E2F8: variants seen among roughly 807,000 people sequenced by gnomAD.
E2F8 encodes E2F transcription factor 8.
E2F8 carries 35 observed loss-of-function variants against 80.8 expected under a neutral mutation model. The observed-to-expected ratio is 0.43, with a 90% CI of 0.33 to 0.57. The LOEUF (loss-of-function observed/expected upper bound fraction) is 0.57, where lower values mean the gene tolerates loss of function less well. Ranked by LOEUF, E2F8 falls within the 20% of genes least tolerant of loss-of-function variation. The probability of loss-of-function intolerance (pLI) is 0.04; values close to 1 mark genes in which losing one functional copy is unlikely to be tolerated. For synonymous variants in E2F8, 386 were observed against 395.0 expected (o/e 0.98, Z 0.27); for missense variants, 975 against 1,056.2 (o/e 0.92, Z 1.07).
chr11:19,228,439 A>G (rs1237148349), intron 10 of E2F8, among the ~76,000 whole-genome samples: 1 of 152,266 alleles, frequency 6.6e-6, no homozygotes, highest in African/African-American at 2.4e-5. Context: ...AAAAGGATCA[A>G]ACCCTTTTAT....
At chr11:19,231,708 T>G (rs1197432748) in intron 7 of E2F8, among the ~76,000 whole-genome samples, 1 of 152,194 alleles carries the variant, frequency 6.6e-6, no homozygotes, top group East Asian at 1.9e-4. Context: ...GCAATAGTGT[T>G]TTATGCTTTG....
intron 3 of E2F8, 76 bp from the exon 4 acceptor site, chr11:19,237,546 T>C (rs745827928): frequency 2.0e-6 from 3 of 1,465,330 alleles, no homozygotes. Flanking sequence ...CTGTGCTCGA[T>C]GACTGACACC....
chr11:19,229,870 G>A lies in E2F8; in HGVS notation c.1477C>T (p.Pro493Ser), dbSNP rs1358120931. Residue 493 changes from proline to serine, a missense_variant, in exon 10 of 13, where the codon CCC (proline) becomes TCC (serine). Transcript: ENST00000250024. This position sits in a 1 kb window ranked among gnomAD's most constrained non-coding sequence, Gnocchi z 4.3. Reference sequence around the variant, plus strand: ...GGGATCAGGGGAACCATTCCCAGGGGCTGGATGAGGGACGGTGCTGTCAGC... The same window carrying A: ...GGGATCAGGGGAACCATTCCCAGGGACTGGATGAGGGACGGTGCTGTCAGC... ...MELTAPSLIQ[P>S]LGMVPLIPSP... The A allele has an allele frequency of 6.2e-7, 1 of 1,614,074 alleles. No individual in the cohort carries two copies. Among genetic ancestry groups the A allele is most frequent in the Admixed American group, 1.7e-5 (1 of 60,016 alleles).
Position 19,238,097 on chromosome 11 carries a change from T to C in E2F8, c.51A>G (p.Leu17=). The C allele has an allele frequency of 1.2e-6, 2 of 1,614,066 alleles. No individual in the cohort carries two copies. Among genetic ancestry groups the C allele is most frequent in the Non-Finnish European group, 1.7e-6 (2 of 1,180,022 alleles). The change falls in exon 3 of 13, where the codon CTA becomes CTG. Residue 17 remains leucine (L), a synonymous_variant. Transcript: ENST00000250024. ...NLFCEPHKRG[L]MKTPLKESTT... ...TGGATTCTTTCAGAGGTGTTTTCAT[T>C]AGTCCCCTTTTATGTGGCTCACAAA...
rs1205359550 is a variant in E2F8 at position 19,224,670 on chromosome 11, C to T, written c.2592G>A (p.Glu864=). Residue 864 remains glutamate (E), a synonymous_variant, in exon 13 of 13, where the codon GAG becomes GAA. Coordinates refer to ENST00000250024, the MANE Select transcript of E2F8 (RefSeq NM_024680.4). ...CAACATCTGTTGATTAATGGACATC[C>T]TCTGTTGAGACTTCCAGTTTTCGCT... ...VPQRKLEVST[E]DVH is the part of the protein sequence containing the mutation. 2 of 1,613,922 alleles carry T rather than the reference C, an allele frequency of 1.2e-6. No homozygotes were observed. Among genetic ancestry groups the T allele is most frequent in the African/African-American group, 1.3e-5 (1 of 74,920 alleles).
At chr11:19,228,559 T>A (rs2133558924) in intron 10 of E2F8, among the ~76,000 whole-genome samples, 1 of 152,326 alleles carries the variant, frequency 6.6e-6, no homozygotes, top group African/African-American at 2.4e-5. Context: ...TTAGATTTGA[T>A]CCAGAGCACA....
chr11:19,237,747 C>T (rs1252342017), intron 3 of E2F8, 107 bp downstream of exon 3: 3 of 1,424,668 alleles, frequency 2.1e-6, no homozygotes, highest in Non-Finnish European at 2.9e-6. Flanking sequence ...TTAATAACAG[C>T]CTTCGGGTGG....
At chr11:19,230,143 A>C in intron 9 of E2F8, 98 bp downstream of exon 9, 2 of 1,478,604 alleles carry the variant, frequency 1.4e-6, no homozygotes, top group Non-Finnish European at 1.8e-6. Context: ...TTAGCTCTCC[A>C]GTTCAAGGCT....
chr11:19,225,066 T>C (rs952948824), intron 12 of E2F8, 155 bp downstream of exon 12: 1 of 1,224,796 alleles, frequency 8.2e-7, no homozygotes, highest in Non-Finnish European at 1.1e-6. Context: ...TTGGACACTC[T>C]TCCTGGGTTC....
At position 19,229,712 on chromosome 11, in the gene E2F8, G is replaced by A. The variant is rs1320459301; in HGVS notation, c.1635C>T (p.Cys545=). The A allele has an allele frequency of 1.2e-6, 2 of 1,614,220 alleles. No homozygotes were observed. Among genetic ancestry groups the A allele is most frequent in the African/African-American group, 1.3e-5 (1 of 75,052 alleles). ...TPPQGLSPTV[C]TTHSSKATGS... ...CAGTAGCTTTAGAAGAGTGGGTGGT[G>A]CACACCGTTGGGCTCAGGCCTTGGG... is the stretch of plus-strand genomic sequence containing the variant. The change falls in exon 10 of 13, where the codon TGC becomes TGT. Residue 545 remains cysteine (C), a synonymous_variant. Transcript: ENST00000250024. The surrounding 1 kb of genome is among the most constrained non-coding windows in gnomAD (Gnocchi z 4.3).
chr11:19,230,170 T>C (rs1851339415), intron 9 of E2F8, 71 bp downstream of exon 9: 1 of 1,539,874 alleles, frequency 6.5e-7, no homozygotes, highest in Admixed American at 1.8e-5. Flanking sequence ...TCTTCTCACA[T>C]AAAATAAGTA....
At position 19,240,199 on chromosome 11, in the gene E2F8, G is replaced by A. The variant is rs1851622580; in HGVS notation, c.-78C>T. 1.0e-6 allele frequency: 1 copy of A among 956,418 alleles called. No individual in the cohort carries two copies. Among genetic ancestry groups the A allele is most frequent in the Non-Finnish European group, 1.5e-6 (1 of 664,280 alleles). The allele number at this position is 956,418 out of a possible 1,614,324, so 59.2% of individuals were successfully genotyped here. A position where few individuals can be genotyped will look rare whatever the true frequency, so the allele number is the denominator to read the frequency against. Reference sequence around the variant, plus strand: ...TCCCCAAATCCCGATGGTTCAAGTAGTCCAATCAATTGTACTAAAAGTTTT... The same window carrying A: ...TCCCCAAATCCCGATGGTTCAAGTAATCCAATCAATTGTACTAAAAGTTTT... On this transcript the variant is annotated 5_prime_UTR_variant, in exon 2 of 13. Coordinates refer to ENST00000250024, the MANE Select transcript of E2F8 (RefSeq NM_024680.4).
Position 19,230,705 on chromosome 11 carries a change from T to G in E2F8, c.1196A>C (p.Lys399Thr). The change falls in exon 8 of 13, where the codon AAA becomes ACA. Residue 399 changes from lysine to threonine, a missense_variant. Physicochemically the swap from Lys to Thr is moderately conservative, Grantham distance 78 (BLOSUM62 -1). Transcript: ENST00000250024. ...PNFTRHPSLIKLVKSIESDRR... is the reference protein window; with the variant it reads ...PNFTRHPSLITLVKSIESDRR... ...ATCACTTTCTATACTCTTTACCAAT[T>G]TGATAAGAGATGGGTGTCGAGTAAA... The G allele has an allele frequency of 6.2e-7, 1 of 1,614,184 alleles. No individual in the cohort carries two copies. The highest frequency in any genetic ancestry group is 8.5e-7 in the Non-Finnish European group (1 of 1,180,040).
intron 2 of E2F8, among the ~76,000 whole-genome samples, chr11:19,238,562 C>G (rs1200346100): frequency 6.6e-6 from 1 of 152,212 alleles, no homozygotes; most frequent in Non-Finnish European, 1.5e-5. Flanking sequence ...ACTCATGGCA[C>G]TGTAATAAGT....
chr11:19,237,513 T>C lies in E2F8; in HGVS notation c.295-43A>G. Reference sequence around the variant, plus strand: ...AACAATGTCTTATTCTAAAATAAAGTCTGACAGATTTATTAGGGGCATCTG... The same window carrying C: ...AACAATGTCTTATTCTAAAATAAAGCCTGACAGATTTATTAGGGGCATCTG... On this transcript the variant is annotated intron_variant, in intron 3 of 12. Coordinates refer to ENST00000250024, the MANE Select transcript of E2F8 (RefSeq NM_024680.4). The C allele has an allele frequency of 3.2e-6, 5 of 1,585,324 alleles. No individual in the cohort carries two copies. In the South Asian group the frequency reaches 4.6e-5, roughly 14 times the overall value.
Position 19,237,381 on chromosome 11 carries a change from T to C in E2F8, c.384A>G (p.Arg128=), listed in dbSNP as rs1373040543. Residue 128 remains arginine, a synonymous_variant, in exon 4 of 13, where the codon CGA becomes CGG. Transcript: ENST00000250024. Reference sequence around the variant, plus strand: ...CAGCAGGGTTGGGATAATTAGGATATCGTGCTAAGAACTTATGACACAATA... The same window carrying C: ...CAGCAGGGTTGGGATAATTAGGATACCGTGCTAAGAACTTATGACACAATA... ...LGLLCHKFLA[R]YPNYPNPAVN... is the part of the protein sequence containing the mutation. 2 of 1,614,084 alleles carry C rather than the reference T, an allele frequency of 1.2e-6. No individual in the cohort carries two copies. Among genetic ancestry groups the C allele is most frequent in the Non-Finnish European group, 1.7e-6 (2 of 1,180,012 alleles).
intron 9 of E2F8, 119 bp downstream of exon 9, chr11:19,230,122 T>C: frequency 6.7e-7 from 1 of 1,484,838 alleles, no homozygotes; most frequent in Admixed American, 1.9e-5. Flanking sequence ...GAGTATGAGA[T>C]ACAGAAAAGA....
At chr11:19,230,166 CA>C in intron 9 of E2F8, 74 bp downstream of exon 9, 2 of 1,529,914 alleles carry the variant, frequency 1.3e-6, no homozygotes, top group Non-Finnish European at 1.8e-6. Flanking sequence ...GGCTTCTTCT[CA>C]CATAAAATAA....
intron 10 of E2F8, among the ~76,000 whole-genome samples, chr11:19,228,894 G>T (rs185900466): frequency 6.6e-6 from 1 of 152,262 alleles, no homozygotes; most frequent in East Asian, 1.9e-4. Flanking sequence ...TGTCTAGCAT[G>T]TCAAAATCTC....
Sources: gnomAD v4.1 joint callset for allele counts (sites outside exome capture counted in the v4.1 genomes callset) on GRCh38, gnomAD v4.1.1 for gene constraint, Gnocchi (gnomAD v3.1) non-coding constraint, MANE v1.5 for transcripts, NCBI Gene and HGNC (gene_info 2026-07-23, HGNC 2026-07-21) for gene names.